The following SAMD12 variants were observed in gnomAD, a reference collection of about 807,000 sequenced individuals.
SAMD12 encodes sterile alpha motif domain containing 12.
In SAMD12, 9 loss-of-function variants were observed where a neutral mutation model predicts 15.0. The ratio of observed to expected loss-of-function variants is 0.60; its 90% CI spans 0.36 to 1.05. SAMD12 has a LOEUF of 1.05. Ranked by LOEUF, SAMD12 falls within the 50% of genes least tolerant of loss-of-function variation. The pLI is 0.01. For synonymous variants in SAMD12, 86 were observed against 90.1 expected (o/e 0.96, Z 0.25); for missense variants, 230 against 234.2 (o/e 0.98, Z 0.12).
chr8:118,148,139 A>G, the SAMD12 span, among the ~76,000 whole-genome samples: 1 of 151,916 alleles, frequency 6.6e-6, no homozygotes, highest in Admixed American at 6.6e-5. Flanking sequence ...CATGTTGGCC[A>G]GGCTAGTCTT....
rs914570134 is a variant in SAMD12, at chr8:118,576,286, G to T, written c.192+4429C>A. 2.4e-4 allele frequency among the ~76,000 whole-genome samples: 36 copies of T among 152,186 alleles called. 1 individual carries two copies. Among genetic ancestry groups the T allele is most frequent in the Admixed American group, 1.3e-4 (2 of 15,266 alleles). On this transcript the variant is annotated intron_variant, in intron 2 of 3. Coordinates refer to ENST00000314727, the MANE Select transcript of SAMD12 (RefSeq NM_207506.3). ...CATTTTATTCAATTTAAATAAATCT[G>T]AATATCCACATGTGCTAGTGGCTAT...
At chr8:118,193,548 A>T (rs1440181429) in exon 5 of SAMD12, 1 of 152,114 alleles carries the variant, frequency 6.6e-6, no homozygotes. Context: ...CTCCTTCCTG[A>T]TCTCAGGGCT....
chr8:118,370,393 G>T (rs1819027248), intron 4 of SAMD12, among the ~76,000 whole-genome samples: 1 of 152,098 alleles, frequency 6.6e-6, no homozygotes, highest in African/African-American at 2.4e-5. Flanking sequence ...TCAAAGACCT[G>T]GAACTGGAAA....
intron 4 of SAMD12, among the ~76,000 whole-genome samples, chr8:118,225,732 C>G (rs1357585146): frequency 6.6e-6 from 1 of 151,524 alleles, no homozygotes; most frequent in African/African-American, 2.4e-5. Context: ...ATAAAACAGT[C>G]CCCCTTTTCA....
intron 1 of SAMD12, among the ~76,000 whole-genome samples, chr8:118,596,482 GC>G (rs1827727525): frequency 6.6e-6 from 1 of 152,074 alleles, no homozygotes; most frequent in Non-Finnish European, 1.5e-5. Context: ...TATATCTAAT[GC>G]CCACCTCCCA....
chr8:118,445,454 A>C (rs1335945284), intron 2 of SAMD12, among the ~76,000 whole-genome samples: 3 of 152,150 alleles, frequency 2.0e-5, no homozygotes, highest in Non-Finnish European at 4.4e-5. Flanking sequence ...TTTGGACCTA[A>C]ATATTTTATG....
intron 3 of SAMD12, among the ~76,000 whole-genome samples, chr8:118,422,198 T>C (rs1485387963): frequency 6.6e-6 from 1 of 152,232 alleles, no homozygotes; most frequent in Non-Finnish European, 1.5e-5. Flanking sequence ...ATTAAATGCC[T>C]ACTTTATGCC....
intron 4 of SAMD12, among the ~76,000 whole-genome samples, chr8:118,294,188 T>A (rs915483608): frequency 2.0e-5 from 3 of 152,174 alleles, no homozygotes; most frequent in Admixed American, 6.5e-5. Context: ...CATGCAGCAC[T>A]GGAGAGAAAA....
intron 4 of SAMD12, among the ~76,000 whole-genome samples, chr8:118,297,679 T>A (rs1814787111): frequency 1.3e-5 from 2 of 152,214 alleles, no homozygotes; most frequent in African/African-American, 4.8e-5. Flanking sequence ...GGGAAGAGAT[T>A]TGTAAATTAT....
intron 1 of SAMD12, among the ~76,000 whole-genome samples, chr8:118,611,478 C>A (rs1828110239): frequency 6.6e-6 from 1 of 152,186 alleles, no homozygotes; most frequent in African/African-American, 2.4e-5. Flanking sequence ...GTCTCCAACT[C>A]CATCCATCCC....
chr8:118,214,047 C>G (rs1811900121), intron 4 of SAMD12, among the ~76,000 whole-genome samples: 1 of 152,144 alleles, frequency 6.6e-6, no homozygotes, highest in Non-Finnish European at 1.5e-5. Context: ...GAGTTTGATG[C>G]AAATATACTT....
At chr8:118,315,195 G>A (rs971977087) in intron 4 of SAMD12, among the ~76,000 whole-genome samples, 2 of 152,156 alleles carry the variant, frequency 1.3e-5, no homozygotes, top group Non-Finnish European at 2.9e-5. Flanking sequence ...TTTGGTGAAT[G>A]CTGTTAATTT....
chr8:118,213,234 T>C (rs745749156), intron 4 of SAMD12, among the ~76,000 whole-genome samples: 3 of 152,212 alleles, frequency 2.0e-5, no homozygotes, highest in Non-Finnish European at 4.4e-5. Context: ...TCCTGCTTCC[T>C]TGAATCTGGG....
intron 1 of SAMD12, among the ~76,000 whole-genome samples, chr8:118,581,332 T>C (rs1827292218): frequency 6.6e-6 from 1 of 152,252 alleles, no homozygotes; most frequent in African/African-American, 2.4e-5. Flanking sequence ...AAGTCCACTC[T>C]CTTGCATTCA....
chr8:118,320,838 A>C (rs60341143), intron 4 of SAMD12, among the ~76,000 whole-genome samples: 1 of 136,204 alleles, frequency 7.3e-6, no homozygotes, highest in Non-Finnish European at 1.5e-5. Context: ...TATATATATA[A>C]AAATCTATAA....
chr8:118,483,542 TAG>T (rs138684378), intron 2 of SAMD12, among the ~76,000 whole-genome samples: 2,456 of 152,312 alleles, frequency 0.016, 52 homozygotes, highest in Middle Eastern at 0.041. Flanking sequence ...ACATTTTATT[TAG>T]TAGTAAGTAG....
intron 3 of SAMD12, among the ~76,000 whole-genome samples, chr8:118,402,245 A>G (rs980129074): frequency 2.0e-5 from 3 of 152,218 alleles, no homozygotes; most frequent in African/African-American, 7.2e-5. Context: ...CATGCATTTG[A>G]CACTCAGATT....
chr8:118,465,442 T>C (rs760539635), intron 2 of SAMD12, among the ~76,000 whole-genome samples: 1 of 152,200 alleles, frequency 6.6e-6, no homozygotes, highest in Non-Finnish European at 1.5e-5. Context: ...TTGCCAGTTA[T>C]TGTTCTCATT....
At chr8:118,316,823 T>G (rs1440276876) in intron 4 of SAMD12, among the ~76,000 whole-genome samples, 27 of 150,062 alleles carry the variant, frequency 1.8e-4, no homozygotes, top group Admixed American at 6.6e-4. Flanking sequence ...AAAGTTTTTT[T>G]TTTTTTTTTT....
Sources: allele counts gnomAD v4.1 joint callset (sites outside exome capture counted in the v4.1 genomes callset), GRCh38; gene constraint gnomAD v4.1.1; transcripts MANE v1.5; gene names NCBI Gene and HGNC (gene_info 2026-07-23, HGNC 2026-07-21).